SRGAP3: variants seen among roughly 807,000 people sequenced by gnomAD.
The protein encoded by SRGAP3 is SLIT-ROBO Rho GTPase-activating protein 3.
Under a neutral mutation model 121.1 loss-of-function variants are expected in SRGAP3, and 39 were observed. The ratio of observed to expected loss-of-function variants is 0.32; its 90% CI spans 0.25 to 0.42. The LOEUF (loss-of-function observed/expected upper bound fraction) is 0.42. Ranked by LOEUF, SRGAP3 falls within the 10% of genes least tolerant of loss-of-function variation. SRGAP3 has a pLI of 1.00. For synonymous variants in SRGAP3, 601 were observed against 570.0 expected, an observed-to-expected ratio of 1.05 and a Z score of -0.77; for missense variants, 1,213 against 1,470.6, an observed-to-expected ratio of 0.82 and a Z score of 2.86.
intron 14 of SRGAP3, among the ~76,000 whole-genome samples, chr3:9,017,941 C>T (rs1943721134): frequency 6.6e-6 from 1 of 152,122 alleles, no homozygotes; most frequent in Admixed American, 6.5e-5. Flanking sequence ...ACTACCAAAC[C>T]CTAGAACTTA....
chr3:9,342,337 C>G (rs560524541), intron 1 of SRGAP3, among the ~76,000 whole-genome samples: 1 of 141,648 alleles, frequency 7.1e-6, no homozygotes, highest in Admixed American at 7.2e-5. Context: ...GGAGACAAAT[C>G]AAGACTCCAT....
intron 4 of SRGAP3, among the ~76,000 whole-genome samples, chr3:9,072,316 C>T (rs1010164209): frequency 2.0e-5 from 3 of 152,230 alleles, no homozygotes; most frequent in African/African-American, 7.2e-5. Flanking sequence ...GATTTCATCA[C>T]CCCCTCTTCC....
At chr3:9,268,811 A>G (rs1435877525) in intron 3 of SRGAP3, among the ~76,000 whole-genome samples, 1 of 152,172 alleles carries the variant, frequency 6.6e-6, no homozygotes, top group Non-Finnish European at 1.5e-5. Context: ...CACTGGCCCC[A>G]GAACCCACTC....
At chr3:9,286,113 AACACACACAC>A (rs34023408) in intron 3 of SRGAP3, among the ~76,000 whole-genome samples, 1,976 of 135,036 alleles carry the variant, frequency 0.015, 27 homozygotes, top group Middle Eastern at 0.034. Context: ...CCCTATCTCA[AACACACACAC>A]ACACACACAC....
At chr3:9,064,309 G>A in intron 5 of SRGAP3, 87 bp downstream of exon 5, 1 of 1,578,290 alleles carries the variant, frequency 6.3e-7, no homozygotes, top group Non-Finnish European at 8.7e-7. Flanking sequence ...GGGGAATAAG[G>A]GGGAAGGCTA....
At chr3:9,236,044 TCTC>T (rs961210737) in intron 1 of SRGAP3, 4 of 160,434 alleles carry the variant, frequency 2.5e-5, no homozygotes, top group African/African-American at 9.6e-5. Flanking sequence ...TTCAAGCTCT[TCTC>T]CTTTCCAGCC....
In SRGAP3 at chr3:9,137,251, G is replaced by A. The variant is rs143816140; in HGVS notation, c.68-12334C>T. On this transcript the variant is annotated intron_variant, in intron 1 of 21. Coordinates refer to ENST00000383836, the MANE Select transcript of SRGAP3 (RefSeq NM_014850.4). ...GCCAGGTTTTTACGCTCTGTCTTTC[G>A]CCACCTCACGATTATTCAGGGTAGT... is the stretch of plus-strand genomic sequence containing the variant. 3.3e-5 allele frequency among the ~76,000 whole-genome samples: 5 copies of A among 152,184 alleles called. No homozygotes were observed. The East Asian group carries it at 7.7e-4, about 23-fold the overall frequency.
At chr3:9,177,912 C>G (rs974222924) in intron 1 of SRGAP3, among the ~76,000 whole-genome samples, 1 of 152,128 alleles carries the variant, frequency 6.6e-6, no homozygotes, top group African/African-American at 2.4e-5. Context: ...AGCACCTGCC[C>G]CAGGACCTCT....
At chr3:9,254,720 C>A (rs1473456994) in intron 3 of SRGAP3, among the ~76,000 whole-genome samples, 2 of 151,782 alleles carry the variant, frequency 1.3e-5, no homozygotes, top group African/African-American at 4.8e-5. Flanking sequence ...CACTTGCACC[C>A]AAGAGGTGGA....
chr3:9,125,467 CTG>C (rs1949188036), intron 1 of SRGAP3, among the ~76,000 whole-genome samples: 1 of 152,194 alleles, frequency 6.6e-6, no homozygotes, highest in South Asian at 2.1e-4. Context: ...GTAGTCAGGA[CTG>C]AGAGAGGGCT....
At position 9,249,028 on chromosome 3, in the gene SRGAP3, T is replaced by C. The variant is rs1337147710; in HGVS notation, c.-77A>G. 5 of 1,406,890 alleles carry C rather than the reference T, an allele frequency of 3.6e-6. No homozygotes were observed. The highest frequency in any genetic ancestry group is 5.0e-6 in the Non-Finnish European group (5 of 993,042). 87.2% of individuals were successfully genotyped at this position (1,406,890 alleles called of 1,614,324 possible). ...TCTTTTCGAGTCCTCTCTCAAGCCC[T>C]GGTAATCACACAGCTCTGGTCGATT... On this transcript the variant is annotated 5_prime_UTR_variant, in exon 1 of 22. Coordinates refer to ENST00000383836, the MANE Select transcript of SRGAP3 (RefSeq NM_014850.4).
chr3:9,013,426 C>T lies in SRGAP3; in HGVS notation c.2029G>A (p.Ala677Thr), dbSNP rs1943470015. Residue 677 changes from alanine to threonine, a missense_variant, in exon 17 of 22, where the codon GCA (alanine) becomes ACA (threonine). Coordinates refer to ENST00000383836, the MANE Select transcript of SRGAP3 (RefSeq NM_014850.4). ...GTTTTGATGACTTCATTGATGTGTG[C>T]CTGGCAGGACACAGGGTCCTGCCCA... ...PDGQDPVSCQ[A>T]HINEVIKTII... The T allele has an allele frequency of 6.2e-7, 1 of 1,614,076 alleles. No homozygotes were observed. The highest frequency in any genetic ancestry group is 8.5e-7 in the Non-Finnish European group (1 of 1,180,030).
At chr3:9,289,063 A>T (rs1162341294) in intron 3 of SRGAP3, among the ~76,000 whole-genome samples, 2 of 151,810 alleles carry the variant, frequency 1.3e-5, no homozygotes, top group Non-Finnish European at 2.9e-5. Context: ...AGCCTGGCTA[A>T]TTTTTTGTAT....
At chr3:9,262,534 C>CAAA (rs765408588) in intron 3 of SRGAP3, among the ~76,000 whole-genome samples, 584 of 25,536 alleles carry the variant, frequency 0.023, 61 homozygotes, top group African/African-American at 0.063. Context: ...AAATGGAAAG[C>CAAA]AAAAAAAAAA....
chr3:9,286,891 C>T (rs1466273702), intron 3 of SRGAP3, among the ~76,000 whole-genome samples: 3 of 140,722 alleles, frequency 2.1e-5, no homozygotes, highest in Non-Finnish European at 3.1e-5. Flanking sequence ...CGTGAGCCAC[C>T]GCCCCTAGGC....
In SRGAP3 at chr3:9,031,908, C is replaced by T. The variant is rs527922610; in HGVS notation, c.1539+742G>A. ...TTCTCCCCTTCCTCAAGTATCTCCC[C>T]AGCTGCTGCTCTTCGCTTCTCCATC... is the stretch of plus-strand genomic sequence containing the variant. On this transcript the variant is annotated intron_variant, in intron 12 of 21. Transcript: ENST00000383836. Among the ~76,000 whole-genome samples the T allele has an allele frequency of 4.6e-5, 7 of 152,314 alleles. No individual in the cohort carries two copies. The East Asian group carries it at 1.2e-3, about 25-fold the overall frequency.
intron 12 of SRGAP3, among the ~76,000 whole-genome samples, chr3:9,030,676 C>T (rs1223265772): frequency 8.7e-5 from 2 of 22,896 alleles, no homozygotes; most frequent in Non-Finnish European, 2.5e-4. Flanking sequence ...TATATAGGAC[C>T]CCTCTATTAC....
chr3:9,334,459 TTAAC>T (rs1259280580), intron 1 of SRGAP3, among the ~76,000 whole-genome samples: 5 of 151,892 alleles, frequency 3.3e-5, no homozygotes, highest in African/African-American at 9.7e-5. Flanking sequence ...AGATAAGAGA[TTAAC>T]TAATCCAACC....
In SRGAP3 at chr3:8,985,152, G is replaced by A. The variant is rs986528458; in HGVS notation, c.*367C>T. On this transcript the variant is annotated 3_prime_UTR_variant, in exon 22 of 22. Transcript: ENST00000383836. The surrounding 1 kb of genome is among the most constrained non-coding windows in gnomAD (Gnocchi z 5.1). ...TACATACGTATACATGTGTATATAT[G>A]CACACATCGATATACACACACATAT... The A allele has an allele frequency of 5.5e-6, 2 of 362,886 alleles. No individual in the cohort carries two copies. Among genetic ancestry groups the A allele is most frequent in the African/African-American group, 4.2e-5 (2 of 47,986 alleles). 22.5% of individuals were successfully genotyped at this position (362,886 alleles called of 1,614,324 possible).
Sources: gnomAD v4.1 joint callset for allele counts (sites outside exome capture counted in the v4.1 genomes callset) on GRCh38, gnomAD v4.1.1 for gene constraint, Gnocchi (gnomAD v3.1) non-coding constraint, MANE v1.5 for transcripts, NCBI Gene and HGNC (gene_info 2026-07-23, HGNC 2026-07-21) for gene names.